Variants in TUT7 observed in about 807,000 individuals in gnomAD.
TUT7 encodes the protein terminal uridylyltransferase 7.
In TUT7, 33 loss-of-function variants were observed where a neutral mutation model predicts 165.9. The ratio of observed to expected loss-of-function variants is 0.20; its 90% CI spans 0.15 to 0.27. The LOEUF (loss-of-function observed/expected upper bound fraction) is 0.27. Among genes scored for constraint, TUT7 ranks in the 10% least tolerant of loss-of-function variants. The pLI is 1.00. For synonymous variants in TUT7, 552 were observed against 608.1 expected (o/e 0.91, Z 1.36); for missense variants, 1,338 against 1,762.3 (o/e 0.76, Z 4.31).
chr9:86,328,670 G>T (rs967183741), intron 10 of TUT7, among the ~76,000 whole-genome samples, 178 bp from the exon 11 acceptor site: 1 of 152,058 alleles, frequency 6.6e-6, no homozygotes, highest in African/African-American at 2.4e-5. Context: ...AAAAAACAAG[G>T]TTTTGATTTG....
chr9:86,332,218 A>G (rs1487394404), intron 10 of TUT7, among the ~76,000 whole-genome samples: 5 of 152,210 alleles, frequency 3.3e-5, no homozygotes, highest in African/African-American at 7.2e-5. Context: ...AGATCATTCT[A>G]CCATAAAGAC....
At chr9:86,350,236 C>T (rs578137533) in intron 2 of TUT7, among the ~76,000 whole-genome samples, 2 of 152,220 alleles carry the variant, frequency 1.3e-5, no homozygotes, top group South Asian at 4.1e-4. Context: ...GAGGCTGAGG[C>T]AAGAGAATTG....
chr9:86,313,348 T>C (rs1333150025), intron 17 of TUT7, among the ~76,000 whole-genome samples: 1 of 151,880 alleles, frequency 6.6e-6, no homozygotes, highest in Non-Finnish European at 1.5e-5. Context: ...GGCATGGGAA[T>C]ACACAGAAGA....
chr9:86,332,346 T>C (rs1213464012), intron 10 of TUT7, among the ~76,000 whole-genome samples: 1 of 146,952 alleles, frequency 6.8e-6, no homozygotes, highest in Non-Finnish European at 1.5e-5. Context: ...CACCGTGGAA[T>C]ACTATGCAGC....
chr9:86,338,047 G>A (rs765502336), intron 9 of TUT7, among the ~76,000 whole-genome samples: 7 of 152,058 alleles, frequency 4.6e-5, no homozygotes, highest in Non-Finnish European at 1.0e-4. Context: ...TGAAGCAGGC[G>A]GTGGTTTTCA....
At chr9:86,310,210 T>C (rs1006765240) in intron 18 of TUT7, among the ~76,000 whole-genome samples, 193 bp from the exon 19 acceptor site, 1 of 152,038 alleles carries the variant, frequency 6.6e-6, no homozygotes, top group Admixed American at 6.6e-5. Context: ...TGAGCCACCA[T>C]GCGAGCCTAG....
intron 16 of TUT7, among the ~76,000 whole-genome samples, chr9:86,317,928 A>T (rs893273674): frequency 1.5e-4 from 23 of 152,302 alleles, no homozygotes; most frequent in Non-Finnish European, 2.8e-4. Flanking sequence ...GCCATGTAAA[A>T]AAATAAATAA....
chr9:86,325,300 A>T (rs763040380), intron 12 of TUT7, 34 bp downstream of exon 12: 5 of 1,597,812 alleles, frequency 3.1e-6, no homozygotes, highest in Non-Finnish European at 3.4e-6. Context: ...TAAAAAAAAG[A>T]GTGGGGGGGA....
In TUT7 at chr9:86,303,223, A is replaced by C. The variant is rs767117313; in HGVS notation, c.3979-22T>G. On this transcript the variant is annotated intron_variant, in intron 24 of 26. Coordinates refer to ENST00000375963, the MANE Select transcript of TUT7 (RefSeq NM_024617.4). ...ATTCCTAGAAGAACATAAATATATA[A>C]AAGCCTGAACTATTCACGTGAGATC... The C allele has an allele frequency of 4.3e-6, 6 of 1,387,086 alleles. No individual in the cohort carries two copies. The East Asian group carries it at 1.4e-4, about 32-fold the overall frequency. 85.9% of individuals were successfully genotyped at this position (1,387,086 alleles called of 1,614,324 possible).
intron 6 of TUT7, among the ~76,000 whole-genome samples, chr9:86,341,924 TAA>T (rs949425924): frequency 2.0e-4 from 30 of 152,144 alleles, no homozygotes; most frequent in African/African-American, 7.0e-4. Context: ...ATGAGTTCCA[TAA>T]AGAGGAACCA....
rs772370653 is a variant in TUT7, at chr9:86,353,097, T to C, written c.103A>G (p.Ile35Val). Residue 35 changes from isoleucine (I) to valine (V), a missense_variant, in exon 2 of 27, where the codon ATA becomes GTA. Ile to Val is a conservative substitution (Grantham distance 29). Coordinates refer to ENST00000375963, the MANE Select transcript of TUT7 (RefSeq NM_024617.4). ...RRGHPQQDYL[I>V]IDDHAKGHGS... is the part of the protein sequence containing the mutation. ...TGGCCTTTAGCATGGTCATCTATTA[T>C]TAAATAATCTTGTTGGGGGTGACCC... 4.3e-6 allele frequency: 7 copies of C among 1,613,890 alleles called. No individual in the cohort carries two copies. Among genetic ancestry groups the C allele is most frequent in the South Asian group, 1.1e-5 (1 of 91,072 alleles).
chr9:86,322,773 T>G, intron 13 of TUT7, 100 bp downstream of exon 13: 1 of 1,360,622 alleles, frequency 7.3e-7, no homozygotes, highest in Non-Finnish European at 9.8e-7. Context: ...TGTTCAACAC[T>G]ACCAAAATAG....
chr9:86,341,561 C>T (rs554946632), intron 6 of TUT7, among the ~76,000 whole-genome samples: 9 of 152,266 alleles, frequency 5.9e-5, no homozygotes, highest in South Asian at 2.1e-4. Flanking sequence ...CTACACAATT[C>T]GGCCAGTCAA....
In TUT7 at chr9:86,322,866, T is replaced by G. The variant is rs747715687; in HGVS notation, c.2877+7A>C. ...CTAGTTCTATGACTAGTGGTGGTACTGATTACCTTGCCTTTGGTGAAGATA... is the reference window on the plus strand; with the variant it reads ...CTAGTTCTATGACTAGTGGTGGTACGGATTACCTTGCCTTTGGTGAAGATA... On this transcript the variant is annotated splice_region_variant and intron_variant, in intron 13 of 26. Coordinates refer to ENST00000375963, the MANE Select transcript of TUT7 (RefSeq NM_024617.4). 6.3e-7 allele frequency: 1 copy of G among 1,582,382 alleles called. No individual in the cohort carries two copies. The highest frequency in any genetic ancestry group is 1.8e-5 in the Admixed American group (1 of 55,912).
intron 14 of TUT7, among the ~76,000 whole-genome samples, chr9:86,322,083 A>G (rs984139164): frequency 6.6e-6 from 1 of 151,824 alleles, no homozygotes; most frequent in African/African-American, 2.4e-5. Flanking sequence ...CTCAAAATTT[A>G]AAAAAAAATT....
At chr9:86,304,736 A>T in intron 24 of TUT7, 120 bp downstream of exon 24, 1 of 647,862 alleles carries the variant, frequency 1.5e-6, no homozygotes, top group Non-Finnish European at 2.7e-6. Flanking sequence ...TCTGTACAAT[A>T]GTCATTTACT....
At chr9:86,289,061 G>A (rs1825724682) in intron 26 of TUT7, among the ~76,000 whole-genome samples, 1 of 151,816 alleles carries the variant, frequency 6.6e-6, no homozygotes, top group South Asian at 2.1e-4. Flanking sequence ...GTATAATTCA[G>A]TATCTTCATT....
intron 14 of TUT7, among the ~76,000 whole-genome samples, chr9:86,321,903 G>A (rs925375969): frequency 2.6e-5 from 4 of 152,082 alleles, no homozygotes; most frequent in Non-Finnish European, 4.4e-5. Context: ...CAGGGAAACT[G>A]TGTCTCTACA....
Position 86,308,711 on chromosome 9 carries a change from T to C in TUT7, c.3661-105A>G, listed in dbSNP as rs1318641258. On this transcript the variant is annotated intron_variant, in intron 21 of 26. Transcript: ENST00000375963. ...AAATTTGGATTTATTTCTAATTAAC[T>C]AGAGCTCAATTATGCAACTTTTCTT... The C allele has an allele frequency of 3.2e-6, 3 of 931,250 alleles. No individual in the cohort carries two copies. In the East Asian group the frequency reaches 8.1e-5, roughly 25 times the overall value. The allele number at this position is 931,250 out of a possible 1,614,324, so 57.7% of individuals were successfully genotyped here.
Sources: allele counts gnomAD v4.1 joint callset (sites outside exome capture counted in the v4.1 genomes callset), GRCh38; gene constraint gnomAD v4.1.1; transcripts MANE v1.5; gene names NCBI Gene and HGNC (gene_info 2026-07-23, HGNC 2026-07-21).